Variants in GPR161 observed in about 807,000 individuals in gnomAD.
The protein encoded by GPR161 is G-protein coupled receptor RE2.
In GPR161, 25 loss-of-function variants were observed where a neutral mutation model predicts 39.2. The ratio of observed to expected loss-of-function variants is 0.64; its 90% CI spans 0.47 to 0.89. GPR161 has a LOEUF of 0.89. GPR161 is among the 40% of genes least tolerant of loss of function. GPR161 has a pLI of 0.00. For synonymous variants in GPR161, 286 were observed against 276.6 expected (o/e 1.03, Z -0.34); for missense variants, 547 against 677.8 (o/e 0.81, Z 2.14).
At chr1:168,090,802 A>G (rs1408306116) in intron 3 of GPR161, 134 bp from the exon 4 acceptor site, 1 of 544,098 alleles carries the variant, frequency 1.8e-6, no homozygotes, top group Non-Finnish European at 3.3e-6. Flanking sequence ...CCTGAAAGAC[A>G]GGAGAGCTTA....
At chr1:168,119,228 GTATA>G (rs1200312153) in intron 1 of GPR161, among the ~76,000 whole-genome samples, 3 of 96,524 alleles carry the variant, frequency 3.1e-5, no homozygotes, top group Non-Finnish European at 3.9e-5. Context: ...ATATATATAC[GTATA>G]TATATATATA....
At chr1:168,111,537 TG>T (rs1461271691) in intron 1 of GPR161, among the ~76,000 whole-genome samples, 2 of 152,204 alleles carry the variant, frequency 1.3e-5, no homozygotes, top group Non-Finnish European at 2.9e-5. Flanking sequence ...CCTGGAGCTG[TG>T]GCAGTCGTCT....
intron 1 of GPR161, among the ~76,000 whole-genome samples, chr1:168,108,000 T>A (rs1572320673): frequency 6.6e-6 from 1 of 152,202 alleles, no homozygotes. Flanking sequence ...TGAGGCTGGG[T>A]AACTTATAAA....
At chr1:168,094,931 T>C (rs556319248) in intron 3 of GPR161, among the ~76,000 whole-genome samples, 1 of 152,192 alleles carries the variant, frequency 6.6e-6, no homozygotes, top group African/African-American at 2.4e-5. Context: ...ATCTCCTCAG[T>C]TGTATTTATT....
In GPR161 at chr1:168,104,617, C is replaced by T. The variant is rs1696420231; in HGVS notation, c.234G>A (p.Val78=). ...TCGTCACCACAAAAGGCAGCACCAA[C>T]ACGGACAGCAGGAAGTTGGACAGAG... ...SLTLSNFLLS[V]LVLPFVVTSS... is the part of the protein sequence containing the mutation. Residue 78 remains valine (V), a synonymous_variant, in exon 2 of 6, where the codon GTG becomes GTA. Transcript: ENST00000682931. The T allele has an allele frequency of 6.2e-6, 10 of 1,614,130 alleles. No homozygotes were observed. The highest frequency in any genetic ancestry group is 8.5e-6 in the Non-Finnish European group (10 of 1,179,980).
At position 168,104,598 on chromosome 1, in the gene GPR161, C is replaced by G; in HGVS notation, c.253G>C (p.Val85Leu). The G allele has an allele frequency of 1.2e-6, 2 of 1,613,992 alleles. No individual in the cohort carries two copies. The highest frequency in any genetic ancestry group is 1.7e-6 in the Non-Finnish European group (2 of 1,179,982). ...LLSVLVLPFVVTSSIRREWIF... is the reference protein window; with the variant it reads ...LLSVLVLPFVLTSSIRREWIF... ...CATTCCCTGCGGATGGAGCTCGTCA[C>G]CACAAAAGGCAGCACCAACACGGAC... Residue 85 changes from valine (V) to leucine (L), a missense_variant, in exon 2 of 6, where the codon GTG (valine) becomes CTG (leucine). Physicochemically the swap from Val to Leu is conservative, Grantham distance 32 (BLOSUM62 1). Transcript: ENST00000682931.
intron 1 of GPR161, among the ~76,000 whole-genome samples, chr1:168,133,598 C>A (rs981945181): frequency 1.2e-4 from 19 of 152,300 alleles, no homozygotes; most frequent in African/African-American, 4.6e-4. Flanking sequence ...GAAAAGTAAA[C>A]CACAGAGCAT....
rs748470832 is a variant in GPR161 at position 168,090,583 on chromosome 1, G to A, written c.1185C>T (p.Phe395=). 6.2e-7 allele frequency: 1 copy of A among 1,606,136 alleles called. No homozygotes were observed. The highest frequency in any genetic ancestry group is 8.5e-7 in the Non-Finnish European group (1 of 1,172,866). Residue 395 remains phenylalanine (F), a synonymous_variant, in exon 4 of 6, where the codon TTC becomes TTT. Transcript: ENST00000682931. The part of the protein sequence containing the change: ...GHSSSTGDTG[F]SCSQDSGTDM... ...GGTTACCTGAGTCCTGGGAGCAGCT[G>A]AAGCCAGTGTCCCCCGTGCTGCTGC...
chr1:168,100,844 AT>A (rs1359227799), intron 2 of GPR161, among the ~76,000 whole-genome samples: 2 of 152,206 alleles, frequency 1.3e-5, no homozygotes, highest in Admixed American at 6.5e-5. Flanking sequence ...TATGAGAACT[AT>A]TTCCACAGAC....
rs981844011 is a variant in GPR161, at chr1:168,136,172, G to C, written c.-45+567C>G. The C allele has an allele frequency of 9.5e-6, 12 of 1,268,204 alleles. No homozygotes were observed. In the African/African-American group the frequency reaches 1.7e-4, roughly 18 times the overall value. 78.6% of individuals were successfully genotyped at this position (1,268,204 alleles called of 1,614,324 possible). A position where few individuals can be genotyped will look rare whatever the true frequency, so the allele number is the denominator to read the frequency against. On this transcript the variant is annotated intron_variant, in intron 1 of 5. Transcript: ENST00000682931. ...GCAGAGCCGCCCATCCGGCGGCGCC[G>C]GGCCACTTCTGGGCGCGCCACCCGC...
chr1:168,092,113 G>A (rs569484057), intron 3 of GPR161, among the ~76,000 whole-genome samples: 1 of 152,322 alleles, frequency 6.6e-6, no homozygotes, highest in Non-Finnish European at 1.5e-5. Flanking sequence ...TCCTGCTTTT[G>A]CAAGGGGACT....
rs553229849 is a variant in GPR161, at chr1:168,083,247, AAAAG to A, written c.*2280_*2283del. ...ACTAAATGAATTGGACCTCAGTAAA[AAAAG>A]GGAAACACAGTGAATCATTTTGTGA... On this transcript the variant is annotated 3_prime_UTR_variant, in exon 6 of 6. Coordinates refer to ENST00000682931, the MANE Select transcript of GPR161 (RefSeq NM_001375883.1). 3.9e-5 allele frequency: 6 copies of A among 152,356 alleles called. No individual in the cohort carries two copies. In the South Asian group the frequency reaches 1.2e-3, roughly 32 times the overall value. The allele number at this position is 152,356 out of a possible 1,614,324, so 9.4% of individuals were successfully genotyped here.
chr1:168,109,200 A>T (rs1244180406), intron 1 of GPR161, among the ~76,000 whole-genome samples: 1 of 152,192 alleles, frequency 6.6e-6, no homozygotes, highest in African/African-American at 2.4e-5. Flanking sequence ...TTACTATGGG[A>T]GTCTCCTCTG....
At chr1:168,105,836 C>G (rs1696561176) in intron 1 of GPR161, among the ~76,000 whole-genome samples, 1 of 152,260 alleles carries the variant, frequency 6.6e-6, no homozygotes, top group South Asian at 2.1e-4. Context: ...CCACAGATCA[C>G]TTTCCCCACC....
At position 168,096,851 on chromosome 1, in the gene GPR161, C is replaced by T; in HGVS notation, c.756G>A (p.Arg252=). The part of the protein sequence containing the change: ...SSTSTSSSGS[R]RNAFQGVVYS... ...AGACCACACCCTGAAAGGCATTCCT[C>T]CTGCTGCCTGAAGAGGAGGTGGAGG... is the stretch of plus-strand genomic sequence containing the variant. Residue 252 remains arginine, a synonymous_variant, in exon 3 of 6, where the codon AGG becomes AGA. Coordinates refer to ENST00000682931, the MANE Select transcript of GPR161 (RefSeq NM_001375883.1). 1 of 1,614,168 alleles carries T rather than the reference C, an allele frequency of 6.2e-7. No homozygotes were observed. Among genetic ancestry groups the T allele is most frequent in the Non-Finnish European group, 8.5e-7 (1 of 1,180,032 alleles).
intron 1 of GPR161, among the ~76,000 whole-genome samples, chr1:168,115,074 C>T (rs980522254): frequency 1.3e-5 from 2 of 151,870 alleles, no homozygotes; most frequent in East Asian, 1.9e-4. Context: ...AGCAGCTGGC[C>T]GTCTTTAACA....
rs1204627894 is a variant in GPR161 at position 168,084,513 on chromosome 1, G to A, written c.*1018C>T. Reference sequence around the variant, plus strand: ...GGGCCAATAACCCAGGTTGCTGGCTGTGGGTCCAGGGCTGCTTCTATCTTA... The same window carrying A: ...GGGCCAATAACCCAGGTTGCTGGCTATGGGTCCAGGGCTGCTTCTATCTTA... On this transcript the variant is annotated 3_prime_UTR_variant, in exon 6 of 6. Coordinates refer to ENST00000682931, the MANE Select transcript of GPR161 (RefSeq NM_001375883.1). The A allele has an allele frequency of 1.2e-5, 4 of 325,552 alleles. No individual in the cohort carries two copies. In the East Asian group the frequency reaches 3.6e-4, roughly 29 times the overall value. 20.2% of individuals were successfully genotyped at this position (325,552 alleles called of 1,614,324 possible). A position where few individuals can be genotyped will look rare whatever the true frequency, so the allele number is the denominator to read the frequency against.
In GPR161 at chr1:168,085,216, C is replaced by T; in HGVS notation, c.*315G>A. On this transcript the variant is annotated 3_prime_UTR_variant, in exon 6 of 6. Coordinates refer to ENST00000682931, the MANE Select transcript of GPR161 (RefSeq NM_001375883.1). Reference sequence around the variant, plus strand: ...TCCAAGCCCTTCGTCTCTGGTCCTCCCATGCCCCACCTCCCAAAAAGCCAC... The same window carrying T: ...TCCAAGCCCTTCGTCTCTGGTCCTCTCATGCCCCACCTCCCAAAAAGCCAC... 1 of 454,044 alleles carries T rather than the reference C, an allele frequency of 2.2e-6. No homozygotes were observed. The highest frequency in any genetic ancestry group is 4.1e-6 in the Non-Finnish European group (1 of 244,480). The allele number at this position is 454,044 out of a possible 1,614,324, so 28.1% of individuals were successfully genotyped here.
In GPR161 at chr1:168,104,897, G is replaced by T. The variant is rs1288504246; in HGVS notation, c.-44-3C>A. The T allele has an allele frequency of 6.2e-7, 1 of 1,600,188 alleles. No individual in the cohort carries two copies. Among genetic ancestry groups the T allele is most frequent in the Admixed American group, 1.7e-5 (1 of 59,376 alleles). ...GGTGGGCAGAGCATGCTGGACGACT[G>T]GAAAGATAAGGCAGGACCAGGGGAC... On this transcript the variant is annotated splice_region_variant and splice_polypyrimidine_tract_variant and intron_variant, in intron 1 of 5. Transcript: ENST00000682931.
Sources: gnomAD v4.1 joint callset for allele counts (sites outside exome capture counted in the v4.1 genomes callset) on GRCh38, gnomAD v4.1.1 for gene constraint, MANE v1.5 for transcripts, NCBI Gene and HGNC (gene_info 2026-07-23, HGNC 2026-07-21) for gene names.